The following TIMM23 variants were observed in gnomAD, a reference collection of about 807,000 sequenced individuals.
TIMM23 encodes translocase of inner mitochondrial membrane 23, also known as mitochondrial import inner membrane translocase subunit Tim23.
TIMM23 carries 19 observed loss-of-function variants against 30.7 expected under a neutral mutation model. The observed-to-expected ratio is 0.62, with a 90% CI of 0.43 to 0.91. The LOEUF (loss-of-function observed/expected upper bound fraction) is 0.91. TIMM23 is among the 40% of genes least tolerant of loss of function. TIMM23 has a pLI of 0.00. For synonymous variants in TIMM23, 78 were observed against 98.5 expected, an observed-to-expected ratio of 0.79 and a Z score of 1.23; for missense variants, 202 against 269.2, an observed-to-expected ratio of 0.75 and a Z score of 1.75.
At position 45,982,771 on chromosome 10, in the gene TIMM23, G is replaced by A. The variant is rs1336642050; in HGVS notation, c.260-75G>A. On this transcript the variant is annotated intron_variant, in intron 3 of 6. Coordinates refer to ENST00000580018, the MANE Select transcript of TIMM23 (RefSeq NM_006327.4). The stretch of plus-strand genomic sequence containing the variant: ...ATAAAAATGAAAAAGAATCAGAAGT[G>A]TAGTTATGCAGATTTGAGTTTGTTT... 7.5e-5 allele frequency: 121 copies of A among 1,603,100 alleles called. No homozygotes were observed. The Middle Eastern group carries it at 8.3e-4, about 11-fold the overall frequency.
chr10:45,980,385 T>C (rs1435267292), intron 2 of TIMM23, among the ~76,000 whole-genome samples: 1 of 152,134 alleles, frequency 6.6e-6, no homozygotes, highest in African/African-American at 2.4e-5. Context: ...AAGCGTGAGC[T>C]ACTGTGCCTA....
intron 6 of TIMM23, among the ~76,000 whole-genome samples, chr10:45,994,312 C>T (rs1224748276): frequency 1.3e-5 from 2 of 151,768 alleles, no homozygotes; most frequent in Non-Finnish European, 2.9e-5. Flanking sequence ...GCACTCCAGC[C>T]TGGGCAGCTG....
intron 6 of TIMM23, chr10:45,992,479 CTT>C (rs1206815611): frequency 2.2e-6 from 1 of 455,536 alleles, no homozygotes; most frequent in African/African-American, 2.0e-5. Context: ...AAACTTAACT[CTT>C]TAGAAGTTTT....
At chr10:45,976,186 A>C (rs1230848455) in intron 2 of TIMM23, among the ~76,000 whole-genome samples, 21 of 152,206 alleles carry the variant, frequency 1.4e-4, no homozygotes, top group Non-Finnish European at 1.8e-4. Context: ...ACATCTGAAA[A>C]TTAATGTATT....
Position 45,982,510 on chromosome 10 carries a change from A to G in TIMM23, c.166-13A>G, listed in dbSNP as rs1224900705. 9.7e-5 allele frequency: 156 copies of G among 1,613,310 alleles called. 1 individual carries two copies. The Middle Eastern group carries it at 5.6e-3, about 58-fold the overall frequency. On this transcript the variant is annotated splice_polypyrimidine_tract_variant and intron_variant, in intron 2 of 6. Transcript: ENST00000580018. Reference sequence around the variant, plus strand: ...AGGGACACTCAGCTTGGTTTTCATTATTATCCTTTTAGGATACAGATGAGT... The same window carrying G: ...AGGGACACTCAGCTTGGTTTTCATTGTTATCCTTTTAGGATACAGATGAGT...
At chr10:45,986,233 A>G (rs1478191147) in intron 5 of TIMM23, among the ~76,000 whole-genome samples, 1 of 152,146 alleles carries the variant, frequency 6.6e-6, no homozygotes, top group Non-Finnish European at 1.5e-5. Flanking sequence ...TAGTTTTCAC[A>G]CTTTGGATCC....
intron 6 of TIMM23, among the ~76,000 whole-genome samples, chr10:46,001,321 T>G (rs1838526298): frequency 6.6e-6 from 1 of 152,062 alleles, no homozygotes; most frequent in Non-Finnish European, 1.5e-5. Context: ...TTTAGTGGGG[T>G]TTTTTTGGGT....
intron 1 of TIMM23, among the ~76,000 whole-genome samples, chr10:45,974,153 TTTTGTGGGGG>T (rs1837591534): frequency 9.3e-6 from 1 of 107,746 alleles, no homozygotes; most frequent in African/African-American, 3.8e-5. Flanking sequence ...CTATAGTGGT[TTTTGTGGGGG>T]TTTTTTTTGT....
rs1406950649 is a variant in TIMM23, at chr10:45,988,119, A to G, written c.404-618A>G. ...TCCAGAAAGTCCTCCGACCCCATCC[A>G]CTTGGGCCTCATGTGGAAAATTGAT... is the stretch of plus-strand genomic sequence containing the variant. On this transcript the variant is annotated intron_variant, in intron 5 of 6. Coordinates refer to ENST00000580018, the MANE Select transcript of TIMM23 (RefSeq NM_006327.4). Among the ~76,000 whole-genome samples the G allele has an allele frequency of 2.6e-5, 4 of 152,244 alleles. No individual in the cohort carries two copies. The South Asian group carries it at 8.3e-4, about 32-fold the overall frequency.
Position 45,973,557 on chromosome 10 carries a change from C to A in TIMM23, c.106+827C>A, listed in dbSNP as rs1451976548. On this transcript the variant is annotated intron_variant, in intron 1 of 6. Transcript: ENST00000580018. ...AACGAAATATGTTCAGACTGTAGTG[C>A]AAAAAAATATAAAAGACCTTTCATT... Among the ~76,000 whole-genome samples the A allele has an allele frequency of 2.5e-3, 376 of 152,222 alleles. 1 individual carries two copies. The highest frequency in any genetic ancestry group is 7.7e-3 in the African/African-American group (318 of 41,534).
intron 2 of TIMM23, among the ~76,000 whole-genome samples, chr10:45,977,706 G>A (rs1837715509): frequency 6.6e-6 from 1 of 152,206 alleles, no homozygotes; most frequent in African/African-American, 2.4e-5. Context: ...TATTTAATCA[G>A]AATTTAAAAA....
chr10:45,989,765 T>G lies in TIMM23; in HGVS notation c.514+918T>G, dbSNP rs1326650434. Among the ~76,000 whole-genome samples, 680 of 152,352 alleles carry G rather than the reference T, an allele frequency of 4.5e-3. 2 individuals carry two copies. Among genetic ancestry groups the G allele is most frequent in the African/African-American group, 0.015 (619 of 41,588 alleles). On this transcript the variant is annotated intron_variant, in intron 6 of 6. Transcript: ENST00000580018. ...AGAGCATCTTATTCCTATGATCATC[T>G]TACTCTACTGGGAGATCAACGTGTT...
intron 6 of TIMM23, among the ~76,000 whole-genome samples, chr10:45,996,041 CAT>C (rs1164713511): frequency 5.4e-5 from 8 of 149,432 alleles, no homozygotes; most frequent in Non-Finnish European, 7.4e-5. Flanking sequence ...GAATATAGAA[CAT>C]GTGTAGTTAA....
At chr10:45,999,077 C>T (rs1023598762) in intron 6 of TIMM23, among the ~76,000 whole-genome samples, 3 of 152,120 alleles carry the variant, frequency 2.0e-5, no homozygotes, top group Non-Finnish European at 4.4e-5. Context: ...AAGTGATTTG[C>T]CCACCTTGGC....
At chr10:45,976,242 A>G (rs1323988392) in intron 2 of TIMM23, among the ~76,000 whole-genome samples, 1 of 151,656 alleles carries the variant, frequency 6.6e-6, no homozygotes, top group Non-Finnish European at 1.5e-5. Context: ...AGAATATAGT[A>G]CAAAGACCAC....
In TIMM23 at chr10:45,997,185, G is replaced by A. The variant is rs1329368302; in HGVS notation, c.515-6018G>A. Among the ~76,000 whole-genome samples the A allele has an allele frequency of 1.7e-4, 26 of 152,144 alleles. No homozygotes were observed. The East Asian group carries it at 3.1e-3, about 18-fold the overall frequency. ...TGCAGTGAGCCGTGATCATGCCACT[G>A]CACTCCAGCCTAGGTGACCCTGTCT... On this transcript the variant is annotated intron_variant, in intron 6 of 6. Transcript: ENST00000580018.
rs143098984 is a variant in TIMM23 at position 45,999,933 on chromosome 10, G to A, written c.515-3270G>A. On this transcript the variant is annotated intron_variant, in intron 6 of 6. Transcript: ENST00000580018. ...TCCTTGCTGAGAAAAAGAATTCAGC[G>A]ATATTTCTCCCATTTGCTTTTGAAG... Among the ~76,000 whole-genome samples, 304 of 152,252 alleles carry A rather than the reference G, an allele frequency of 2.0e-3. 3 individuals are homozygous for A. Among genetic ancestry groups the A allele is most frequent in the East Asian group, 0.019 (98 of 5,172 alleles).
At chr10:45,982,179 G>A (rs1455484652) in intron 2 of TIMM23, among the ~76,000 whole-genome samples, 2 of 152,172 alleles carry the variant, frequency 1.3e-5, no homozygotes, top group Admixed American at 6.5e-5. Flanking sequence ...AAAGTTATTT[G>A]TTTCTTCCAG....
chr10:45,972,747 G>C lies in TIMM23; in HGVS notation c.106+17G>C. The C allele has an allele frequency of 6.2e-7, 1 of 1,613,424 alleles. No individual in the cohort carries two copies. On this transcript the variant is annotated intron_variant, in intron 1 of 6. Transcript: ENST00000580018. ...GCGTCCCGCGTAAGTATGGGGCCTA[G>C]CTTGCGATTATTTCTGACTGGTTTT... is the stretch of plus-strand genomic sequence containing the variant.
Sources: gnomAD v4.1 joint callset for allele counts (sites outside exome capture counted in the v4.1 genomes callset) on GRCh38, gnomAD v4.1.1 for gene constraint, MANE v1.5 for transcripts, NCBI Gene and HGNC (gene_info 2026-07-23, HGNC 2026-07-21) for gene names.